Variants in RERE observed in about 807,000 individuals in gnomAD.
RERE encodes arginine-glutamic acid dipeptide repeats, also known as arginine-glutamic acid dipeptide repeats protein.
A neutral mutation model predicts 146.1 loss-of-function variants in RERE; 40 were observed. That is an observed-to-expected ratio of 0.27 (90% CI 0.21 to 0.36). The LOEUF (loss-of-function observed/expected upper bound fraction) is 0.36. RERE is among the 10% of genes least tolerant of loss of function. The probability of loss-of-function intolerance (pLI) is 1.00; values close to 1 mark genes in which losing one functional copy is unlikely to be tolerated. For synonymous variants in RERE, 1,003 were observed against 866.0 expected (o/e 1.16, Z -2.78); for missense variants, 1,933 against 2,138.7 (o/e 0.90, Z 1.90).
At chr1:8,415,702 C>G (rs1414690672) in intron 12 of RERE, among the ~76,000 whole-genome samples, 1 of 152,234 alleles carries the variant, frequency 6.6e-6, no homozygotes, top group African/African-American at 2.4e-5. Flanking sequence ...GCCAGTCTCT[C>G]ATAGATTACC....
rs139178452 is a variant in RERE at position 8,426,898 on chromosome 1, A to G, written c.1204-4091T>C. ...TGTCCAGTTACTCTCTCATTAGTTTATTTATTTGTATAAGGCCTGCTTACC... is the reference window on the plus strand; with the variant it reads ...TGTCCAGTTACTCTCTCATTAGTTTGTTTATTTGTATAAGGCCTGCTTACC... On this transcript the variant is annotated intron_variant, in intron 11 of 22. Coordinates refer to ENST00000400908, the MANE Select transcript of RERE (RefSeq NM_001042681.2). Among the ~76,000 whole-genome samples the G allele has an allele frequency of 6.6e-4, 101 of 152,330 alleles. No individual in the cohort carries two copies. In the East Asian group the frequency reaches 0.018, roughly 27 times the overall value.
intron 11 of RERE, among the ~76,000 whole-genome samples, chr1:8,448,054 A>G (rs1644344156): frequency 6.6e-6 from 1 of 152,074 alleles, no homozygotes; most frequent in African/African-American, 2.4e-5. Context: ...GAACTTCCCC[A>G]TTCTGCCCAG....
rs143069754 is a variant in RERE, at chr1:8,793,422, T to G, written c.-145+23738A>C. ...ATATCCTCAAAAGATGTCTTGGATT[T>G]CAAAGCCAGTCCCACAACAACAAGG... is the stretch of plus-strand genomic sequence containing the variant. On this transcript the variant is annotated intron_variant, in intron 1 of 22. Transcript: ENST00000400908. 4.6e-3 allele frequency among the ~76,000 whole-genome samples: 708 copies of G among 152,284 alleles called. 7 individuals carry two copies. Among genetic ancestry groups the G allele is most frequent in the African/African-American group, 0.016 (672 of 41,550 alleles).
rs751709622 is a variant in RERE at position 8,745,725 on chromosome 1, C to T, written c.-145+71435G>A. ...GCTTGAACCTCCATGTCTTGGCATA[C>T]ATACTTTTCCACCCCCTAACATATA... is the stretch of plus-strand genomic sequence containing the variant. On this transcript the variant is annotated intron_variant, in intron 1 of 22. Transcript: ENST00000400908. Among the ~76,000 whole-genome samples the T allele has an allele frequency of 2.0e-4, 31 of 152,168 alleles. 1 individual carries two copies. Among genetic ancestry groups the T allele is most frequent in the Admixed American group, 2.0e-3 (31 of 15,280 alleles).
In RERE at chr1:8,809,135, C is replaced by CT. The variant is rs1461831287; in HGVS notation, c.-145+8024dup. ...CCTGGGCGACAGAGCGAGACTTTGT[C>CT]TTAAAAAAAAAAAAAAAAAAAAAAA... On this transcript the variant is annotated intron_variant, in intron 1 of 22. Coordinates refer to ENST00000400908, the MANE Select transcript of RERE (RefSeq NM_001042681.2). Among the ~76,000 whole-genome samples, 198 of 93,682 alleles carry CT rather than the reference C, an allele frequency of 2.1e-3. 2 individuals carry two copies. In the South Asian group the frequency reaches 0.035, roughly 16 times the overall value. The allele number at this position is 93,682 out of a possible 152,430, so 61.5% of individuals were successfully genotyped here.
chr1:8,605,323 G>C (rs1646689811), intron 4 of RERE, among the ~76,000 whole-genome samples: 2 of 152,206 alleles, frequency 1.3e-5, no homozygotes, highest in Non-Finnish European at 1.5e-5. Flanking sequence ...TAGTAGAGAT[G>C]AGGTTTCATC....
Position 8,607,065 on chromosome 1 carries a change from T to C in RERE, c.522+7496A>G, listed in dbSNP as rs537836213. The stretch of plus-strand genomic sequence containing the variant: ...CTTCCATTGAAGGCCTTGATATTTA[T>C]AGAAGATATTGCCGGCCAGACGCAG... On this transcript the variant is annotated intron_variant, in intron 4 of 22. Transcript: ENST00000400908. 1.2e-4 allele frequency among the ~76,000 whole-genome samples: 18 copies of C among 152,270 alleles called. No individual in the cohort carries two copies. The South Asian group carries it at 3.5e-3, about 30-fold the overall frequency.
intron 2 of RERE, among the ~76,000 whole-genome samples, chr1:8,648,983 T>C (rs1041152045): frequency 7.6e-6 from 1 of 131,914 alleles, no homozygotes; most frequent in Non-Finnish European, 1.7e-5. Flanking sequence ...AAAAAAAAAA[T>C]CTCACAATAA....
intron 4 of RERE, among the ~76,000 whole-genome samples, chr1:8,575,976 T>C (rs1219092495): frequency 6.6e-6 from 1 of 152,066 alleles, no homozygotes; most frequent in East Asian, 1.9e-4. Context: ...GAAACATAAC[T>C]AAGTATATAA....
intron 12 of RERE, among the ~76,000 whole-genome samples, chr1:8,421,160 T>G (rs868063772): frequency 3.3e-5 from 5 of 152,328 alleles, no homozygotes; most frequent in Middle Eastern, 3.4e-3. Flanking sequence ...TCTTCATGGT[T>G]TGCAACTTTT....
chr1:8,360,376 G>A lies in RERE; in HGVS notation c.3131C>T (p.Pro1044Leu). ...GCAGGTCGGAGGGGTGATGGGAGGA[G>A]GGCCTCCAGGGACAAAGGGGTGCTG... Reference protein sequence around the residue: ...FAQHPFVPGGPPPITPPTCPS... With the variant: ...FAQHPFVPGGLPPITPPTCPS... The change falls in exon 18 of 23, where the codon CCT becomes CTT. Residue 1044 changes from proline (P) to leucine (L), a missense_variant. Coordinates refer to ENST00000400908, the MANE Select transcript of RERE (RefSeq NM_001042681.2). 2 of 1,436,190 alleles carry A rather than the reference G, an allele frequency of 1.4e-6. No homozygotes were observed. The highest frequency in any genetic ancestry group is 1.8e-6 in the Non-Finnish European group (2 of 1,092,984). The allele number at this position is 1,436,190 out of a possible 1,614,324, so 89.0% of individuals were successfully genotyped here.
rs1553152882 is a variant in RERE at position 8,817,476 on chromosome 1, T to TTTA, written c.-462_-461insTAA. 1 of 149,764 alleles carries TTTA rather than the reference T, an allele frequency of 6.7e-6. No individual in the cohort carries two copies. The highest frequency in any genetic ancestry group is 2.5e-5 in the African/African-American group (1 of 40,594). The allele number at this position is 149,764 out of a possible 1,614,324, so 9.3% of individuals were successfully genotyped here. The stretch of plus-strand genomic sequence containing the variant: ...GATGATGGTGATTTTTTTTTTTTTT[T>TTTA]AATCCTCAACTAGGAGAGAAAATGA... On this transcript the variant is annotated 5_prime_UTR_variant, in exon 1 of 23. Coordinates refer to ENST00000400908, the MANE Select transcript of RERE (RefSeq NM_001042681.2).
intron 1 of RERE, among the ~76,000 whole-genome samples, chr1:8,675,738 T>TACATACATAC (rs141130300): frequency 2.0e-5 from 3 of 147,780 alleles, no homozygotes; most frequent in South Asian, 2.1e-4. Context: ...TACATACATA[T>TACATACATAC]ATACATACAT....
At chr1:8,707,113 C>T (rs1301473217) in intron 1 of RERE, among the ~76,000 whole-genome samples, 1 of 152,124 alleles carries the variant, frequency 6.6e-6, no homozygotes. Flanking sequence ...TCCAGCTCTC[C>T]GTTTCCATAA....
chr1:8,766,771 A>T (rs1640858514), intron 1 of RERE, among the ~76,000 whole-genome samples: 2 of 152,194 alleles, frequency 1.3e-5, no homozygotes, highest in Non-Finnish European at 2.9e-5. Context: ...GTTTGGGAGC[A>T]GGAAAATTCA....
At chr1:8,632,160 C>A (rs1274614647) in intron 2 of RERE, among the ~76,000 whole-genome samples, 1 of 152,146 alleles carries the variant, frequency 6.6e-6, no homozygotes, top group Non-Finnish European at 1.5e-5. Context: ...GAAATCAATG[C>A]AAAGAGTCCA....
chr1:8,765,214 G>A (rs1232872944), intron 1 of RERE, among the ~76,000 whole-genome samples: 1 of 152,212 alleles, frequency 6.6e-6, no homozygotes, highest in African/African-American at 2.4e-5. Flanking sequence ...GGTGAACCTT[G>A]AAAACATTAT....
intron 2 of RERE, among the ~76,000 whole-genome samples, chr1:8,627,763 C>T (rs896682005): frequency 1.3e-5 from 2 of 152,058 alleles, no homozygotes; most frequent in African/African-American, 4.8e-5. Context: ...AACTTACATA[C>T]AAAAAAGCTT....
intron 11 of RERE, among the ~76,000 whole-genome samples, chr1:8,453,836 T>G: frequency 6.6e-6 from 1 of 152,316 alleles, no homozygotes; most frequent in South Asian, 2.1e-4. Flanking sequence ...TAATTCATTT[T>G]CTAAAATTCT....
Sources: gnomAD v4.1 joint callset for allele counts (sites outside exome capture counted in the v4.1 genomes callset) on GRCh38, gnomAD v4.1.1 for gene constraint, MANE v1.5 for transcripts, NCBI Gene and HGNC (gene_info 2026-07-23, HGNC 2026-07-21) for gene names.